ACOT7: variants seen among roughly 807,000 people sequenced by gnomAD.
The protein encoded by ACOT7 is cytosolic acyl coenzyme A thioester hydrolase.
A neutral mutation model predicts 40.2 loss-of-function variants in ACOT7; 12 were observed. That is an observed-to-expected ratio of 0.30 (90% confidence interval 0.19 to 0.48). The LOEUF (loss-of-function observed/expected upper bound fraction) is 0.48. Among genes scored for constraint, ACOT7 ranks in the 20% least tolerant of loss-of-function variants. ACOT7 has a pLI of 0.99. For missense variants in ACOT7, 395 were observed against 530.8 expected, an observed-to-expected ratio of 0.74 and a Z score of 2.51; for synonymous variants, 228 against 219.5, an observed-to-expected ratio of 1.04 and a Z score of -0.34.
rs184022893 is a variant in ACOT7, at chr1:6,392,826, G to A, written c.143+431C>T. Among the ~76,000 whole-genome samples, 651 of 152,280 alleles carry A rather than the reference G, an allele frequency of 4.3e-3. 7 individuals carry two copies. The highest frequency in any genetic ancestry group is 0.015 in the African/African-American group (634 of 41,572). On this transcript the variant is annotated intron_variant, in intron 1 of 8. Coordinates refer to ENST00000361521, the MANE Select transcript of ACOT7 (RefSeq NM_007274.4). ...CTTTGGTTAGCGCAGCACAACCGCC[G>A]AGGTAATGATCCCGAATCCTCGAGG...
rs72854306 is a variant in ACOT7 at position 6,275,253 on chromosome 1, A to G, written c.1014+5849T>C. On this transcript the variant is annotated intron_variant, in intron 8 of 8. Transcript: ENST00000361521. This position sits in a 1 kb window ranked among gnomAD's most constrained non-coding sequence, Gnocchi z 5.6. ...GCTGCCCTGGCTTCCTAACCAGAAA[A>G]CAAACCTGCTGAGAATGGCCCCCGG... is the stretch of plus-strand genomic sequence containing the variant. Among the ~76,000 whole-genome samples the G allele has an allele frequency of 4.9e-3, 741 of 152,270 alleles. 8 individuals are homozygous for G. Among genetic ancestry groups the G allele is most frequent in the African/African-American group, 0.017 (705 of 41,552 alleles).
chr1:6,385,964 C>T (rs150475790), intron 1 of ACOT7: 10 of 321,114 alleles, frequency 3.1e-5, no homozygotes, highest in East Asian at 3.4e-4. Flanking sequence ...CACCCCTCTG[C>T]GGGAGAGGAT....
intron 2 of ACOT7, among the ~76,000 whole-genome samples, chr1:6,349,526 C>T (rs113385288): frequency 7.2e-5 from 11 of 152,206 alleles, no homozygotes; most frequent in African/African-American, 1.7e-4. Context: ...GCTTGCTTGA[C>T]GCTTCATCTC....
chr1:6,393,289 G>A lies in ACOT7; in HGVS notation c.111C>T (p.Asp37=), dbSNP rs1001411030. ...TCTGGATGGCGGACGGCGTCTCGACGTCTGGGCCCGACATGCTGGGGGCTG... is the reference window on the plus strand; with the variant it reads ...TCTGGATGGCGGACGGCGTCTCGACATCTGGGCCCGACATGCTGGGGGCTG... ...AAAAPSMSGP[D]VETPSAIQIC... Residue 37 remains aspartate (D), a synonymous_variant, in exon 1 of 9, where the codon GAC becomes GAT. Coordinates refer to ENST00000361521, the MANE Select transcript of ACOT7 (RefSeq NM_007274.4). The A allele has an allele frequency of 5.5e-6, 7 of 1,284,114 alleles. No homozygotes were observed. The highest frequency in any genetic ancestry group is 3.0e-5 in the African/African-American group (2 of 65,808). The allele number at this position is 1,284,114 out of a possible 1,614,324, so 79.5% of individuals were successfully genotyped here.
chr1:6,390,367 T>A (rs1642513679), intron 1 of ACOT7, among the ~76,000 whole-genome samples: 1 of 151,116 alleles, frequency 6.6e-6, no homozygotes, highest in African/African-American at 2.4e-5. Context: ...AGGTCAGGAG[T>A]TCGAGACTAG....
chr1:6,392,939 C>G (rs1457548529), intron 1 of ACOT7, among the ~76,000 whole-genome samples: 2 of 152,044 alleles, frequency 1.3e-5, no homozygotes, highest in African/African-American at 4.8e-5. Context: ...TCGCCGGGCT[C>G]TGGAGCTGTG....
At chr1:6,272,528 T>C (rs1222447483) in intron 8 of ACOT7, among the ~76,000 whole-genome samples, 1 of 152,178 alleles carries the variant, frequency 6.6e-6, no homozygotes, top group Non-Finnish European at 1.5e-5. Flanking sequence ...CTTCTGATCC[T>C]GCACACACAG....
At chr1:6,327,470 T>C (rs1161076841) in intron 4 of ACOT7, 57 bp from the exon 5 acceptor site, 1 of 1,531,254 alleles carries the variant, frequency 6.5e-7, no homozygotes, top group African/African-American at 1.4e-5. Flanking sequence ...CTCCCCTCGC[T>C]GGGCGGCCAT....
intron 6 of ACOT7, among the ~76,000 whole-genome samples, chr1:6,304,447 G>T (rs1640063475): frequency 7.0e-6 from 1 of 142,852 alleles, no homozygotes; most frequent in Non-Finnish European, 1.5e-5. Context: ...CGCAGAGGGG[G>T]ATTTGGCAGG....
intron 6 of ACOT7, among the ~76,000 whole-genome samples, chr1:6,315,547 C>T (rs1269476654): frequency 6.6e-6 from 1 of 151,812 alleles, no homozygotes; most frequent in Non-Finnish European, 1.5e-5. Context: ...GTCAGGAGAT[C>T]GAGACCATCC....
intron 1 of ACOT7, among the ~76,000 whole-genome samples, chr1:6,354,370 G>C (rs562645908): frequency 6.6e-6 from 1 of 152,236 alleles, no homozygotes; most frequent in Admixed American, 6.5e-5. Flanking sequence ...GGGAATGTTC[G>C]GGGCCCAAGG....
Position 6,375,772 on chromosome 1 carries a change from T to G in ACOT7, c.143+17485A>C, listed in dbSNP as rs1046336727. Among the ~76,000 whole-genome samples the G allele has an allele frequency of 2.0e-5, 3 of 150,174 alleles. No homozygotes were observed. The East Asian group carries it at 6.0e-4, about 30-fold the overall frequency. On this transcript the variant is annotated intron_variant, in intron 1 of 8. Coordinates refer to ENST00000361521, the MANE Select transcript of ACOT7 (RefSeq NM_007274.4). ...TAACACGGTGAAACCCCGTCTCTACTAAAAATACAAAAAAAATTAGCCGGG... is the reference window on the plus strand; with the variant it reads ...TAACACGGTGAAACCCCGTCTCTACGAAAAATACAAAAAAAATTAGCCGGG...
At position 6,281,042 on chromosome 1, in the gene ACOT7, C is replaced by T. The variant is rs576097723; in HGVS notation, c.1014+60G>A. The stretch of plus-strand genomic sequence containing the variant: ...CACAGATTCCCCCTGGAGGCCCAAA[C>T]ACAGGGACCCTAGGGCTGCCTGGCA... On this transcript the variant is annotated intron_variant, in intron 8 of 8. Coordinates refer to ENST00000361521, the MANE Select transcript of ACOT7 (RefSeq NM_007274.4). The T allele has an allele frequency of 8.2e-4, 1,289 of 1,570,338 alleles. 1 individual carries two copies. Among genetic ancestry groups the T allele is most frequent in the Non-Finnish European group, 1.0e-3 (1,221 of 1,162,948 alleles).
At chr1:6,304,133 G>A (rs1326709278) in intron 6 of ACOT7, among the ~76,000 whole-genome samples, 1 of 152,098 alleles carries the variant, frequency 6.6e-6, no homozygotes. Flanking sequence ...AAGCAAGGTC[G>A]CTTCCTGGAA....
intron 5 of ACOT7, among the ~76,000 whole-genome samples, chr1:6,324,872 T>G (rs181451861): frequency 1.7e-4 from 26 of 152,294 alleles, no homozygotes; most frequent in African/African-American, 6.3e-4. Flanking sequence ...ATTCACAGGC[T>G]CTAGGGATTT....
chr1:6,365,990 GT>G (rs1015716356), intron 1 of ACOT7, among the ~76,000 whole-genome samples: 4 of 151,612 alleles, frequency 2.6e-5, no homozygotes, highest in Admixed American at 1.3e-4. Context: ...TGCCTCCCGG[GT>G]TCAAGTGGTT....
At chr1:6,314,787 T>C (rs1640435969) in intron 6 of ACOT7, among the ~76,000 whole-genome samples, 2 of 151,016 alleles carry the variant, frequency 1.3e-5, no homozygotes, top group South Asian at 4.2e-4. Flanking sequence ...TCCTCCCGCA[T>C]GGGATGATGA....
chr1:6,372,554 CT>C (rs563026803), intron 1 of ACOT7, among the ~76,000 whole-genome samples: 2,797 of 128,498 alleles, frequency 0.022, 60 homozygotes, highest in African/African-American at 0.071. Context: ...TAACTTTTGG[CT>C]TTTTTTTTTT....
rs1485152275 is a variant in ACOT7 at position 6,311,686 on chromosome 1, G to A, written c.712+6806C>T. Reference sequence around the variant, plus strand: ...TAGGCTGCTCACTTAAGGGTACCCAGGAAGATGACAAGAAGGATTTCAGAA... The same window carrying A: ...TAGGCTGCTCACTTAAGGGTACCCAAGAAGATGACAAGAAGGATTTCAGAA... On this transcript the variant is annotated intron_variant, in intron 6 of 8. Transcript: ENST00000361521. This position sits in a 1 kb window ranked among gnomAD's most constrained non-coding sequence, Gnocchi z 5.2. Among the ~76,000 whole-genome samples, 1 of 152,196 alleles carries A rather than the reference G, an allele frequency of 6.6e-6. No homozygotes were observed. The highest frequency in any genetic ancestry group is 1.5e-5 in the Non-Finnish European group (1 of 68,038).
Sources: gnomAD v4.1 joint callset for allele counts (sites outside exome capture counted in the v4.1 genomes callset) on GRCh38, gnomAD v4.1.1 for gene constraint, Gnocchi (gnomAD v3.1) non-coding constraint, MANE v1.5 for transcripts, NCBI Gene and HGNC (gene_info 2026-07-23, HGNC 2026-07-21) for gene names.